The following YAF2 variants were observed in gnomAD, a reference collection of about 807,000 sequenced individuals.
The protein encoded by YAF2 is YY1-associated factor 2.
In YAF2, 7 loss-of-function variants were observed where a neutral mutation model predicts 20.1. The observed-to-expected ratio is 0.35, with a 90% CI of 0.20 to 0.65. YAF2 has a LOEUF of 0.65. Among genes scored for constraint, YAF2 ranks in the 30% least tolerant of loss-of-function variants. The probability of loss-of-function intolerance (pLI) is 0.69; values close to 1 mark genes in which losing one functional copy is unlikely to be tolerated. For synonymous variants in YAF2, 74 were observed against 76.0 expected (o/e 0.97, Z 0.14); for missense variants, 151 against 219.2 (o/e 0.69, Z 1.96).
chr12:42,209,963 T>C (rs999033225), intron 2 of YAF2, among the ~76,000 whole-genome samples: 7 of 152,144 alleles, frequency 4.6e-5, no homozygotes, highest in African/African-American at 1.7e-4. Context: ...CATGCCCGGC[T>C]AATTTTCTAT....
At chr12:42,199,958 G>A (rs1183307916) in intron 2 of YAF2, among the ~76,000 whole-genome samples, 1 of 152,086 alleles carries the variant, frequency 6.6e-6, no homozygotes, top group African/African-American at 2.4e-5. Context: ...ACAACCAATG[G>A]AATCAATGGA....
intron 2 of YAF2, chr12:42,234,411 C>T (rs990019109): frequency 3.1e-5 from 31 of 984,802 alleles, no homozygotes; most frequent in Middle Eastern, 1.0e-3. Flanking sequence ...TTGGGTATAA[C>T]GTTCACCATT....
intron 3 of YAF2, 85 bp from the exon 4 acceptor site, chr12:42,160,911 G>T: frequency 1.7e-6 from 2 of 1,174,742 alleles, no homozygotes; most frequent in Non-Finnish European, 2.4e-6. Flanking sequence ...AGTGGTAAAA[G>T]TAACAAAATG....
chr12:42,223,047 T>C (rs2067569293), intron 2 of YAF2, among the ~76,000 whole-genome samples: 1 of 152,164 alleles, frequency 6.6e-6, no homozygotes, highest in South Asian at 2.1e-4. Context: ...CTCAGAATGT[T>C]TTCCTATATA....
chr12:42,232,262 A>G (rs2068005000), intron 2 of YAF2: 1 of 256,610 alleles, frequency 3.9e-6, no homozygotes, highest in Non-Finnish European at 6.1e-6. Flanking sequence ...AGGTGCTGGC[A>G]GTTTTACCCA....
chr12:42,182,040 TACC>T (rs2066355247), intron 2 of YAF2, among the ~76,000 whole-genome samples: 1 of 152,174 alleles, frequency 6.6e-6, no homozygotes, highest in Non-Finnish European at 1.5e-5. Flanking sequence ...AACATGAAAG[TACC>T]TCTCTGCCAA....
chr12:42,175,953 A>G (rs1391001110), intron 2 of YAF2, among the ~76,000 whole-genome samples: 1 of 151,764 alleles, frequency 6.6e-6, no homozygotes, highest in Non-Finnish European at 1.5e-5. Flanking sequence ...CCTACTTAAC[A>G]TATCCACTTG....
Position 42,158,532 on chromosome 12 carries a change from A to T in YAF2, c.*2057T>A, listed in dbSNP as rs561819948. On this transcript the variant is annotated 3_prime_UTR_variant, in exon 4 of 4. Transcript: ENST00000534854. ...CCAAAAACCCTATAAATTAGATGTG[A>T]TTACCATTATTAGCCCTGTTTTATA... 2 of 152,320 alleles carry T rather than the reference A, an allele frequency of 1.3e-5. No individual in the cohort carries two copies. The highest frequency in any genetic ancestry group is 4.1e-4 in the South Asian group (2 of 4,822). 9.4% of individuals were successfully genotyped at this position (152,320 alleles called of 1,614,324 possible).
At chr12:42,176,809 A>G (rs1777498515) in intron 2 of YAF2, among the ~76,000 whole-genome samples, 1 of 151,888 alleles carries the variant, frequency 6.6e-6, no homozygotes, top group Non-Finnish European at 1.5e-5. Context: ...TAAAAATACA[A>G]AAAAAAATGT....
chr12:42,210,222 T>C (rs1405093611), intron 2 of YAF2: 1 of 452,286 alleles, frequency 2.2e-6, no homozygotes, highest in Admixed American at 3.4e-5. Context: ...ATAATTTCCA[T>C]AATCCATATC....
intron 2 of YAF2, among the ~76,000 whole-genome samples, chr12:42,225,972 T>C (rs2067681082): frequency 6.6e-6 from 1 of 152,216 alleles, no homozygotes; most frequent in Non-Finnish European, 1.5e-5. Context: ...TTGGGAAGTA[T>C]GGCCATTTTC....
chr12:42,203,840 T>C lies in YAF2; in HGVS notation c.152+33759A>G, dbSNP rs555003807. On this transcript the variant is annotated intron_variant, in intron 2 of 3. Coordinates refer to ENST00000534854, the MANE Select transcript of YAF2 (RefSeq NM_005748.6). ...AACAGGTAGGGTAACTTTCCCTCTT[T>C]TTCTGTTCTCTGAGTCAATTTGCAT... 7.9e-5 allele frequency among the ~76,000 whole-genome samples: 12 copies of C among 152,362 alleles called. No homozygotes were observed. The East Asian group carries it at 2.3e-3, about 29-fold the overall frequency.
chr12:42,171,241 T>G (rs967828616), intron 2 of YAF2, among the ~76,000 whole-genome samples: 1 of 152,204 alleles, frequency 6.6e-6, no homozygotes, highest in African/African-American at 2.4e-5. Flanking sequence ...TCCGCCCACC[T>G]TGGCCTCCCA....
At chr12:42,161,231 G>T (rs1349361691) in intron 3 of YAF2, 1 of 257,612 alleles carries the variant, frequency 3.9e-6, no homozygotes, top group Non-Finnish European at 7.4e-6. Context: ...ACTAATAAGG[G>T]TATCATGATT....
chr12:42,183,132 T>C (rs1287428213), intron 2 of YAF2, among the ~76,000 whole-genome samples: 2 of 152,214 alleles, frequency 1.3e-5, no homozygotes, highest in African/African-American at 4.8e-5. Context: ...CACACCTGTA[T>C]ATGACAGTCA....
intron 2 of YAF2, among the ~76,000 whole-genome samples, chr12:42,225,183 T>C (rs1380031730): frequency 6.6e-6 from 1 of 152,256 alleles, no homozygotes; most frequent in Non-Finnish European, 1.5e-5. Flanking sequence ...GAAGTGTCTG[T>C]TCATATCCTT....
chr12:42,205,463 C>T (rs757785431), intron 2 of YAF2, among the ~76,000 whole-genome samples: 8 of 151,908 alleles, frequency 5.3e-5, no homozygotes, highest in Non-Finnish European at 8.8e-5. Flanking sequence ...GCAACCTCCA[C>T]CTCCTGTGTT....
intron 2 of YAF2, among the ~76,000 whole-genome samples, chr12:42,225,893 A>T (rs959731064): frequency 6.6e-6 from 1 of 152,004 alleles, no homozygotes; most frequent in Admixed American, 6.6e-5. Flanking sequence ...AATTTAAATT[A>T]GTTTTTCTAA....
At chr12:42,223,822 C>G (rs1226300861) in intron 2 of YAF2, among the ~76,000 whole-genome samples, 1 of 121,748 alleles carries the variant, frequency 8.2e-6, no homozygotes, top group Non-Finnish European at 1.6e-5. Context: ...GGGAGTTGAA[C>G]AATGAGAACA....
Sources: allele counts gnomAD v4.1 joint callset (sites outside exome capture counted in the v4.1 genomes callset), GRCh38; gene constraint gnomAD v4.1.1; transcripts MANE v1.5; gene names NCBI Gene and HGNC (gene_info 2026-07-23, HGNC 2026-07-21).